Variants in TMEM51 observed in about 807,000 individuals in gnomAD.
TMEM51 encodes the protein chromosome 1 open reading frame 72.
In TMEM51, 8 loss-of-function variants were observed where a neutral mutation model predicts 13.6. The ratio of observed to expected loss-of-function variants is 0.59; its 90% confidence interval spans 0.35 to 1.07. TMEM51 has a LOEUF of 1.07. Ranked by LOEUF, TMEM51 falls within the 50% of genes least tolerant of loss-of-function variation. The pLI is 0.02. For missense variants in TMEM51, 279 were observed against 330.7 expected, an observed-to-expected ratio of 0.84 and a Z score of 1.21; for synonymous variants, 147 against 144.4, an observed-to-expected ratio of 1.02 and a Z score of -0.13.
intron 1 of TMEM51, among the ~76,000 whole-genome samples, chr1:15,178,948 T>C (rs995374092): frequency 1.2e-4 from 18 of 152,192 alleles, no homozygotes; most frequent in South Asian, 6.2e-4. Flanking sequence ...ACGGCTGACA[T>C]CATTAGTCAG....
chr1:15,197,845 A>G (rs1028792598), intron 1 of TMEM51, among the ~76,000 whole-genome samples: 19 of 150,860 alleles, frequency 1.3e-4, no homozygotes, highest in Non-Finnish European at 2.5e-4. Flanking sequence ...CAGCTCTGAA[A>G]CTATGTCCCT....
chr1:15,219,214 A>G (rs1644473936), intron 3 of TMEM51, 112 bp from the exon 4 acceptor site: 1 of 1,161,330 alleles, frequency 8.6e-7, no homozygotes, highest in African/African-American at 1.5e-5. Flanking sequence ...TCTAAGACCC[A>G]TTTGTTATTT....
intron 1 of TMEM51, chr1:15,171,070 TAA>T: frequency 1.0e-6 from 1 of 971,076 alleles, no homozygotes; most frequent in Non-Finnish European, 1.4e-6. Flanking sequence ...GGGGGCTTGT[TAA>T]AACATAGATT....
intron 1 of TMEM51, among the ~76,000 whole-genome samples, chr1:15,194,251 A>T (rs897894653): frequency 1.3e-5 from 2 of 152,258 alleles, no homozygotes; most frequent in Admixed American, 1.3e-4. Flanking sequence ...AATTTTAATA[A>T]TATATTTAGC....
rs1450347888 is a variant in TMEM51 at position 15,219,625 on chromosome 1, A to T, written c.644A>T (p.Asp215Val). The T allele has an allele frequency of 6.2e-7, 1 of 1,614,020 alleles. No homozygotes were observed. The highest frequency in any genetic ancestry group is 1.7e-5 in the Admixed American group (1 of 60,020). ...RIKSEKLHLK[D>V]FRINLPDKNV... is the part of the protein sequence containing the mutation. ...AAATCTGAAAAGCTTCACCTCAAAG[A>T]CTTTAGGATCAACCTCCCAGACAAA... Residue 215 changes from aspartate to valine, a missense_variant, in exon 4 of 4, where the codon GAC (aspartate) becomes GTC (valine). Physicochemically the swap from Asp to Val is radical, Grantham distance 152 (BLOSUM62 -3). Coordinates refer to ENST00000376008, the MANE Select transcript of TMEM51 (RefSeq NM_001136218.2).
intron 1 of TMEM51, among the ~76,000 whole-genome samples, chr1:15,201,305 C>T (rs1384575645): frequency 6.7e-6 from 1 of 149,154 alleles, no homozygotes; most frequent in Admixed American, 6.7e-5. Context: ...CGTAATAGGT[C>T]GTTAAGAAAA....
intron 1 of TMEM51, among the ~76,000 whole-genome samples, chr1:15,179,512 A>G (rs575101473): frequency 2.0e-5 from 3 of 152,310 alleles, no homozygotes; most frequent in Non-Finnish European, 2.9e-5. Context: ...GGCCGGTGCA[A>G]TAGCTCCTGC....
chr1:15,197,458 G>A (rs1319110080), intron 1 of TMEM51, among the ~76,000 whole-genome samples: 2 of 152,148 alleles, frequency 1.3e-5, no homozygotes, highest in Non-Finnish European at 2.9e-5. Flanking sequence ...TTTGGACCCT[G>A]CGTTTTCAGG....
intron 3 of TMEM51, among the ~76,000 whole-genome samples, chr1:15,216,125 GC>G (rs1264798285): frequency 6.6e-6 from 1 of 152,044 alleles, no homozygotes; most frequent in Non-Finnish European, 1.5e-5. Flanking sequence ...ATTTTGACCC[GC>G]CCAGGGTCAC....
chr1:15,159,012 C>T (rs918659831), intron 1 of TMEM51, among the ~76,000 whole-genome samples: 6 of 152,252 alleles, frequency 3.9e-5, no homozygotes, highest in South Asian at 2.1e-4. Flanking sequence ...AAGAACCTTG[C>T]GCAATGTAGC....
intron 1 of TMEM51, among the ~76,000 whole-genome samples, chr1:15,196,090 A>G (rs575668128): frequency 1.1e-3 from 160 of 152,148 alleles, no homozygotes; most frequent in African/African-American, 3.6e-3. Context: ...TGACAATTGC[A>G]TGGCACTGCA....
chr1:15,187,191 CCCCCATCCACCCCTCCCCGAGTCAGAT>C (rs1297201290), intron 1 of TMEM51, among the ~76,000 whole-genome samples: 1 of 133,668 alleles, frequency 7.5e-6, no homozygotes, highest in Non-Finnish European at 1.6e-5. Context: ...CATCCCCCAA[CCCCCATCCACCCCTCCCCGAGTCAGAT>C]CCCCATCCCC....
chr1:15,200,748 C>T (rs546280316), intron 1 of TMEM51, among the ~76,000 whole-genome samples: 6 of 152,234 alleles, frequency 3.9e-5, no homozygotes, highest in African/African-American at 1.4e-4. Flanking sequence ...AACATCTCAG[C>T]GTCAATTATT....
rs575121344 is a variant in TMEM51 at position 15,207,443 on chromosome 1, G to A, written c.-266-3047G>A. ...TTGGGCCCTTTACCCCGTTTCAGCC[G>A]GGGCAGCGCTGCTTTCCATCGTCCC... On this transcript the variant is annotated intron_variant, in intron 1 of 3. Coordinates refer to ENST00000376008, the MANE Select transcript of TMEM51 (RefSeq NM_001136218.2). The surrounding 1 kb of genome is among the most constrained non-coding windows in gnomAD (Gnocchi z 4.6). Among the ~76,000 whole-genome samples, 45 of 152,332 alleles carry A rather than the reference G, an allele frequency of 3.0e-4. No homozygotes were observed. The highest frequency in any genetic ancestry group is 5.9e-4 in the Admixed American group (9 of 15,302).
At chr1:15,196,380 G>C (rs1469155737) in intron 1 of TMEM51, among the ~76,000 whole-genome samples, 2 of 80,600 alleles carry the variant, frequency 2.5e-5, no homozygotes, top group African/African-American at 5.0e-5. Context: ...AATCTGGGCT[G>C]TGTGTGTGTG....
chr1:15,163,941 G>C (rs1355899424), intron 1 of TMEM51, among the ~76,000 whole-genome samples: 1 of 151,636 alleles, frequency 6.6e-6, no homozygotes, highest in Admixed American at 6.6e-5. Flanking sequence ...TGATTCTCCT[G>C]CCTCAGCCTC....
chr1:15,166,768 ATGTATG>A (rs1187389678), intron 1 of TMEM51, among the ~76,000 whole-genome samples: 2 of 152,114 alleles, frequency 1.3e-5, no homozygotes, highest in South Asian at 4.1e-4. Flanking sequence ...TTTTATATAT[ATGTATG>A]TAATTTTCCA....
intron 1 of TMEM51, among the ~76,000 whole-genome samples, chr1:15,175,841 T>A (rs10754885): frequency 0.71 from 108,315 of 152,136 alleles, 40,389 homozygotes; most frequent in East Asian, 0.96. Context: ...ACACATGGGA[T>A]TCATTACAAT....
intron 1 of TMEM51, among the ~76,000 whole-genome samples, chr1:15,164,117 A>G (rs1642899942): frequency 1.3e-5 from 2 of 152,086 alleles, no homozygotes; most frequent in African/African-American, 4.8e-5. Context: ...GGCGTGAGCC[A>G]CCATGCCCGG....
Sources: allele counts gnomAD v4.1 joint callset (sites outside exome capture counted in the v4.1 genomes callset), GRCh38; gene constraint gnomAD v4.1.1; non-coding constraint Gnocchi (gnomAD v3.1); transcripts MANE v1.5; gene names NCBI Gene and HGNC (gene_info 2026-07-23, HGNC 2026-07-21).